The following KYNU variants were observed in gnomAD, a reference collection of about 807,000 sequenced individuals.
The protein encoded by KYNU is L-kynurenine hydrolase.
KYNU carries 54 observed loss-of-function variants against 59.2 expected under a neutral mutation model. The observed-to-expected ratio is 0.91, with a 90% confidence interval of 0.73 to 1.14. The LOEUF is 1.14. Among genes scored for constraint, KYNU ranks in the 50% most tolerant of loss-of-function variants. The pLI is 0.00. For missense variants in KYNU, 567 were observed against 554.4 expected (o/e 1.02, Z -0.23); for synonymous variants, 177 against 192.0 (o/e 0.92, Z 0.65).
chr2:143,029,577 C>A, intron 10 of KYNU, 50 bp from the exon 11 acceptor site: 1 of 1,174,058 alleles, frequency 8.5e-7, no homozygotes, highest in Non-Finnish European at 1.3e-6. Context: ...CAGAGCAAGA[C>A]TCCATCCAAA....
rs147213804 is a variant in KYNU, at chr2:142,978,203, A to G, written c.730-6881A>G. ...CTAATCATTTATTCCTACCCTCTAT[A>G]TAAAGATGACCAGCATGTGTGCACA... On this transcript the variant is annotated intron_variant, in intron 8 of 13. Transcript: ENST00000264170. Among the ~76,000 whole-genome samples the G allele has an allele frequency of 2.9e-3, 440 of 152,242 alleles. 5 individuals are homozygous for G. The highest frequency in any genetic ancestry group is 0.01 in the African/African-American group (421 of 41,546).
chr2:142,881,068 A>G (rs1187571528), intron 1 of KYNU, among the ~76,000 whole-genome samples: 1 of 152,270 alleles, frequency 6.6e-6, no homozygotes, highest in Non-Finnish European at 1.5e-5. Flanking sequence ...TCTTGAAAAA[A>G]GCATTGGAGC....
At chr2:143,018,104 G>T (rs1255970402) in intron 10 of KYNU, among the ~76,000 whole-genome samples, 1 of 152,132 alleles carries the variant, frequency 6.6e-6, no homozygotes, top group Non-Finnish European at 1.5e-5. Flanking sequence ...TGTTTACTCT[G>T]TTGATAGTTT....
At position 143,032,682 on chromosome 2, in the gene KYNU, G is replaced by A. The variant is rs530681808; in HGVS notation, c.956-554G>A. 2.9e-4 allele frequency among the ~76,000 whole-genome samples: 28 copies of A among 97,814 alleles called. 1 individual carries two copies. Among genetic ancestry groups the A allele is most frequent in the African/African-American group, 4.6e-4 (13 of 28,544 alleles). The allele number at this position is 97,814 out of a possible 152,430, so 64.2% of individuals were successfully genotyped here. The stretch of plus-strand genomic sequence containing the variant: ...TTAATTTACCTTTTTTATATACTTA[G>A]GCAGATCTTTTTTTTAAAGCTCCCT... On this transcript the variant is annotated intron_variant, in intron 11 of 13. Coordinates refer to ENST00000264170, the MANE Select transcript of KYNU (RefSeq NM_003937.3).
chr2:142,943,461 T>C (rs1253847318), intron 4 of KYNU, among the ~76,000 whole-genome samples: 1 of 152,152 alleles, frequency 6.6e-6, no homozygotes, highest in African/African-American at 2.4e-5. Flanking sequence ...AAAAATTCAA[T>C]TTCAGATGAG....
chr2:142,882,505 G>T (rs2105020666), intron 1 of KYNU, among the ~76,000 whole-genome samples: 1 of 152,162 alleles, frequency 6.6e-6, no homozygotes, highest in African/African-American at 2.4e-5. Flanking sequence ...ACAGGCTCCG[G>T]TGTGTGATGT....
intron 8 of KYNU, among the ~76,000 whole-genome samples, chr2:142,981,328 C>T (rs1452197085): frequency 6.6e-6 from 1 of 151,986 alleles, no homozygotes; most frequent in Non-Finnish European, 1.5e-5. Flanking sequence ...AAAATCTGAG[C>T]TGTAAAAATT....
intron 10 of KYNU, among the ~76,000 whole-genome samples, chr2:143,016,889 T>C (rs1309514340): frequency 1.3e-5 from 2 of 152,122 alleles, no homozygotes; most frequent in Non-Finnish European, 2.9e-5. Context: ...CTCAATCCCC[T>C]CCCTCTCTCC....
chr2:142,925,718 T>A (rs955304229), intron 3 of KYNU, among the ~76,000 whole-genome samples: 1 of 152,146 alleles, frequency 6.6e-6, no homozygotes, highest in Non-Finnish European at 1.5e-5. Flanking sequence ...AAATCACCCA[T>A]GATGGGAGTA....
intron 4 of KYNU, among the ~76,000 whole-genome samples, chr2:142,928,539 A>C (rs1049936030): frequency 6.6e-6 from 1 of 152,204 alleles, no homozygotes; most frequent in Non-Finnish European, 1.5e-5. Flanking sequence ...ACCAGTAATT[A>C]GAGAGAAAAT....
chr2:142,950,233 A>G (rs1022288655), intron 4 of KYNU, among the ~76,000 whole-genome samples: 2 of 152,026 alleles, frequency 1.3e-5, no homozygotes, highest in Non-Finnish European at 2.9e-5. Context: ...AACCCTCCAA[A>G]CCATTCCAAC....
intron 8 of KYNU, among the ~76,000 whole-genome samples, chr2:142,977,484 C>T (rs968324282): frequency 6.6e-6 from 1 of 151,204 alleles, no homozygotes; most frequent in Non-Finnish European, 1.5e-5. Context: ...CTGCAGAAAA[C>T]GTAAGCTTTG....
intron 8 of KYNU, among the ~76,000 whole-genome samples, chr2:142,973,612 C>T (rs927012881): frequency 6.6e-6 from 1 of 152,124 alleles, no homozygotes; most frequent in Non-Finnish European, 1.5e-5. Context: ...TGCAAGCCTC[C>T]GTGTGCTTGG....
In KYNU at chr2:142,888,847, C is replaced by G. The variant is rs143234644; in HGVS notation, c.169+3311C>G. On this transcript the variant is annotated intron_variant, in intron 2 of 13. Transcript: ENST00000264170. ...AGAGAACCAAAGAGCAAAGCTGTCG[C>G]ATACTTGAACGTGTATCTAGTATGA... 3.3e-5 allele frequency among the ~76,000 whole-genome samples: 5 copies of G among 149,380 alleles called. No individual in the cohort carries two copies. In the East Asian group the frequency reaches 9.8e-4, roughly 29 times the overall value.
intron 10 of KYNU, among the ~76,000 whole-genome samples, chr2:143,012,236 C>G (rs1686126898): frequency 6.6e-6 from 1 of 152,018 alleles, no homozygotes. Flanking sequence ...AATCCCAGCA[C>G]TTTGGGAGGC....
intron 13 of KYNU, among the ~76,000 whole-genome samples, chr2:143,041,249 G>GTATC (rs543039103): frequency 1.9e-3 from 282 of 152,066 alleles, no homozygotes; most frequent in Non-Finnish European, 3.2e-3. Context: ...AAAAGATAAT[G>GTATC]TATCTACTTC....
chr2:142,956,431 T>C (rs1684167481), intron 6 of KYNU, among the ~76,000 whole-genome samples, 157 bp downstream of exon 6: 1 of 152,228 alleles, frequency 6.6e-6, no homozygotes, highest in East Asian at 1.9e-4. Flanking sequence ...TAATAGATTA[T>C]AGCTTTATTT....
At chr2:142,885,678 G>A in intron 2 of KYNU, 142 bp downstream of exon 2, 1 of 802,268 alleles carries the variant, frequency 1.2e-6, no homozygotes, top group South Asian at 1.7e-5. Context: ...AAGATCCCTG[G>A]TGCTCTCAAT....
chr2:142,974,566 A>T (rs1191953456), intron 8 of KYNU, among the ~76,000 whole-genome samples: 1 of 152,210 alleles, frequency 6.6e-6, no homozygotes, highest in Non-Finnish European at 1.5e-5. Context: ...TTGCATAACT[A>T]GAGGGCATAA....
Sources: allele counts gnomAD v4.1 joint callset (sites outside exome capture counted in the v4.1 genomes callset), GRCh38; gene constraint gnomAD v4.1.1; transcripts MANE v1.5; gene names NCBI Gene and HGNC (gene_info 2026-07-23, HGNC 2026-07-21).